Variants in ZFPM1 observed in about 807,000 individuals in gnomAD.
ZFPM1 encodes zinc finger protein ZFPM1.
ZFPM1 carries 28 observed loss-of-function variants against 46.3 expected under a neutral mutation model. The ratio of observed to expected loss-of-function variants is 0.60; its 90% CI spans 0.45 to 0.83. The LOEUF (loss-of-function observed/expected upper bound fraction) is 0.83, where lower values mean the gene tolerates loss of function less well. ZFPM1 is among the 40% of genes least tolerant of loss of function. The pLI is 0.00. For synonymous variants in ZFPM1, 957 were observed against 675.9 expected, an observed-to-expected ratio of 1.42 and a Z score of -6.45; for missense variants, 1,878 against 1,432.4, an observed-to-expected ratio of 1.31 and a Z score of -5.02.
intron 3 of ZFPM1, among the ~76,000 whole-genome samples, chr16:88,490,826 T>TC (rs1909523519): frequency 6.6e-6 from 1 of 151,920 alleles, no homozygotes; most frequent in Non-Finnish European, 1.5e-5. Flanking sequence ...CCCCCTGCTG[T>TC]CCCCCAGGAA....
In ZFPM1 at chr16:88,471,178, C is replaced by T. The variant is rs188267537; in HGVS notation, c.41-14761C>T. On this transcript the variant is annotated intron_variant, in intron 1 of 9. Coordinates refer to ENST00000319555, the MANE Select transcript of ZFPM1 (RefSeq NM_153813.3). The surrounding 1 kb of genome is among the most constrained non-coding windows in gnomAD (Gnocchi z 4.1). ...CCAGACTTTTCCTCTCCACTTACTC[C>T]GCCCTGACCGCGATGGGCACTGAGA... Among the ~76,000 whole-genome samples, 27 of 152,300 alleles carry T rather than the reference C, an allele frequency of 1.8e-4. No individual in the cohort carries two copies. The highest frequency in any genetic ancestry group is 5.5e-4 in the African/African-American group (23 of 41,536).
chr16:88,453,800 G>C (rs1907404363), intron 1 of ZFPM1, 122 bp downstream of exon 1: 1 of 517,628 alleles, frequency 1.9e-6, no homozygotes, highest in Non-Finnish European at 2.5e-6. Context: ...ACCCCGCGCC[G>C]CGCCCCCCGC....
chr16:88,519,353 GTGGATGGATGAA>G, intron 4 of ZFPM1, among the ~76,000 whole-genome samples: 1 of 148,196 alleles, frequency 6.7e-6, no homozygotes, highest in East Asian at 2.1e-4. Flanking sequence ...GAATGGATGA[GTGGATGGATGAA>G]TGGATGGATA....
At chr16:88,460,953 C>A (rs1031604134) in intron 1 of ZFPM1, among the ~76,000 whole-genome samples, 190 of 11,624 alleles carry the variant, frequency 0.016, 4 homozygotes, top group South Asian at 0.065. Flanking sequence ...GACCGAGGGG[C>A]GGGGCGGGAG....
chr16:88,534,481 C>T lies in ZFPM1; in HGVS notation c.2523C>T (p.Pro841=). The change falls in exon 10 of 10, where the codon CCC becomes CCT. Residue 841 remains proline, a synonymous_variant. Transcript: ENST00000319555. ...TGGCGCACAAGAAGTACTCGTGCCC[C>T]GCTGCGCCACCGCCCGGCGCGCTCG... ...AYLAHKKYSC[P]AAPPPGALGL... 2.7e-6 allele frequency: 4 copies of T among 1,480,334 alleles called. No individual in the cohort carries two copies. The highest frequency in any genetic ancestry group is 3.6e-6 in the Non-Finnish European group (4 of 1,121,576). 91.7% of individuals were successfully genotyped at this position (1,480,334 alleles called of 1,614,324 possible).
intron 1 of ZFPM1, among the ~76,000 whole-genome samples, chr16:88,476,212 A>G (rs1415110924): frequency 6.6e-6 from 1 of 151,886 alleles, no homozygotes; most frequent in African/African-American, 2.4e-5. Context: ...CCTCGCGGGA[A>G]CCAACCAAGC....
At chr16:88,500,535 G>A (rs752126692) in intron 3 of ZFPM1, among the ~76,000 whole-genome samples, 7 of 152,258 alleles carry the variant, frequency 4.6e-5, no homozygotes, top group Admixed American at 1.3e-4. Flanking sequence ...TGGCCTGGCC[G>A]CTGTCACCTT....
intron 3 of ZFPM1, among the ~76,000 whole-genome samples, chr16:88,502,176 G>C (rs1359019200): frequency 1.3e-5 from 2 of 151,864 alleles, no homozygotes; most frequent in Non-Finnish European, 2.9e-5. Context: ...CAGCGGCCGT[G>C]GACGCAGCTG....
In ZFPM1 at chr16:88,501,274, G is replaced by A. The variant is rs71372770; in HGVS notation, c.268+12121G>A. Among the ~76,000 whole-genome samples, 119 of 75,486 alleles carry A rather than the reference G, an allele frequency of 1.6e-3. 8 individuals are homozygous for A. The highest frequency in any genetic ancestry group is 0.011 in the Middle Eastern group (1 of 94). The allele number at this position is 75,486 out of a possible 152,430, so 49.5% of individuals were successfully genotyped here. A position where few individuals can be genotyped will look rare whatever the true frequency, so the allele number is the denominator to read the frequency against. On this transcript the variant is annotated intron_variant, in intron 3 of 9. Coordinates refer to ENST00000319555, the MANE Select transcript of ZFPM1 (RefSeq NM_153813.3). ...GTACTGGTGATGATGGAGATAGTGG[G>A]CCTGGGTGCGGGGGCCCTCCCGCAG... is the stretch of plus-strand genomic sequence containing the variant.
rs771991649 is a variant in ZFPM1, at chr16:88,533,965, G to C, written c.2007G>C (p.Pro669=). Reference sequence around the variant, plus strand: ...GGGGCAGCGAGGGCAGCCAGAGCCCGGGTAGCTCCGTGGACGACGCGGAGG... The same window carrying C: ...GGGGCAGCGAGGGCAGCCAGAGCCCCGGTAGCTCCGTGGACGACGCGGAGG... ...GGRGSEGSQS[P]GSSVDDAEDD... Residue 669 remains proline, a synonymous_variant, in exon 10 of 10, where the codon CCG becomes CCC. Transcript: ENST00000319555. The C allele has an allele frequency of 3.0e-6, 4 of 1,312,436 alleles. No individual in the cohort carries two copies. The African/African-American group carries it at 6.4e-5, about 21-fold the overall frequency. 81.3% of individuals were successfully genotyped at this position (1,312,436 alleles called of 1,614,324 possible).
chr16:88,468,671 C>T (rs887814291), intron 1 of ZFPM1, among the ~76,000 whole-genome samples: 1 of 152,076 alleles, frequency 6.6e-6, no homozygotes, highest in African/African-American at 2.4e-5. Flanking sequence ...GAATCTGATA[C>T]CCCCAGGGCC....
In ZFPM1 at chr16:88,517,710, G is replaced by A. The variant is rs934442167; in HGVS notation, c.402+3190G>A. Among the ~76,000 whole-genome samples the A allele has an allele frequency of 3.2e-3, 477 of 149,424 alleles. 4 individuals are homozygous for A. Among genetic ancestry groups the A allele is most frequent in the East Asian group, 0.026 (128 of 4,918 alleles). ...GATAGATGTATGGGTGGATGGATGAGTGGGTGGGTGGATAGATGGATGGAT... is the reference window on the plus strand; with the variant it reads ...GATAGATGTATGGGTGGATGGATGAATGGGTGGGTGGATAGATGGATGGAT... On this transcript the variant is annotated intron_variant, in intron 4 of 9. Coordinates refer to ENST00000319555, the MANE Select transcript of ZFPM1 (RefSeq NM_153813.3).
upstream of ZFPM1, among the ~76,000 whole-genome samples, chr16:88,452,635 G>A (rs1907325414): frequency 6.6e-6 from 1 of 152,280 alleles, no homozygotes; most frequent in Admixed American, 6.5e-5. Flanking sequence ...AAACGTGGGC[G>A]TCAAGGCCTC....
intron 1 of ZFPM1, among the ~76,000 whole-genome samples, chr16:88,465,405 C>G (rs1434551404): frequency 6.6e-6 from 1 of 152,254 alleles, no homozygotes; most frequent in Non-Finnish European, 1.5e-5. Context: ...AGCCAGAAGT[C>G]TGGGCCTGGC....
chr16:88,501,054 G>GTGA (rs1910226662), intron 3 of ZFPM1, among the ~76,000 whole-genome samples: 1 of 144,164 alleles, frequency 6.9e-6, no homozygotes, highest in African/African-American at 2.6e-5. Flanking sequence ...ACCACTGCTG[G>GTGA]TGATGGAGGT....
rs1185829362 is a variant in ZFPM1 at position 88,534,785 on chromosome 16, G to T, written c.2827G>T (p.Val943Leu). 4 of 1,316,074 alleles carry T rather than the reference G, an allele frequency of 3.0e-6. No homozygotes were observed. Among genetic ancestry groups the T allele is most frequent in the Non-Finnish European group, 1.9e-6 (2 of 1,027,490 alleles). 81.5% of individuals were successfully genotyped at this position (1,316,074 alleles called of 1,614,324 possible). Residue 943 changes from valine (V) to leucine (L), a missense_variant, in exon 10 of 10, where the codon GTG (valine) becomes TTG (leucine). Val to Leu is a conservative substitution (Grantham distance 32). Coordinates refer to ENST00000319555, the MANE Select transcript of ZFPM1 (RefSeq NM_153813.3). ...PPSPAAAPEA[V>L]PPPPAPPSYS... ...GTCCCCGGCCGCCGCGCCCGAGGCC[G>T]TGCCGCCCCCGCCGGCGCCCCCCTC...
chr16:88,518,431 G>A (rs1001137491), intron 4 of ZFPM1, among the ~76,000 whole-genome samples: 8 of 143,890 alleles, frequency 5.6e-5, no homozygotes, highest in African/African-American at 2.0e-4. Context: ...TGGGTGGATG[G>A]GTGGATGCAT....
chr16:88,521,726 T>C (rs1331258513), intron 4 of ZFPM1, among the ~76,000 whole-genome samples: 10 of 43,490 alleles, frequency 2.3e-4, no homozygotes, highest in East Asian at 8.1e-4. Flanking sequence ...CTGTTCCCCC[T>C]CCCCTGTGCT....
At chr16:88,527,870 C>T (rs976285984) in intron 5 of ZFPM1, among the ~76,000 whole-genome samples, 162 bp from the exon 6 acceptor site, 2 of 150,968 alleles carry the variant, frequency 1.3e-5, no homozygotes, top group African/African-American at 4.9e-5. Context: ...TCACAGGGGA[C>T]CACCCAGCCT....
Sources: gnomAD v4.1 joint callset for allele counts (sites outside exome capture counted in the v4.1 genomes callset) on GRCh38, gnomAD v4.1.1 for gene constraint, Gnocchi (gnomAD v3.1) non-coding constraint, MANE v1.5 for transcripts, NCBI Gene and HGNC (gene_info 2026-07-23, HGNC 2026-07-21) for gene names.